The following NHSL2 variants were observed in gnomAD, a reference collection of about 807,000 sequenced individuals.
NHSL2 encodes NHS like 2.
NHSL2 carries 27 observed loss-of-function variants against 53.4 expected under a neutral mutation model. The ratio of observed to expected loss-of-function variants is 0.51; its 90% CI spans 0.37 to 0.70. NHSL2 has a LOEUF of 0.70. Ranked by LOEUF, NHSL2 falls within the 30% of genes least tolerant of loss-of-function variation. The pLI is 0.00. For synonymous variants in NHSL2, 408 were observed against 404.1 expected (o/e 1.01, Z -0.12); for missense variants, 892 against 980.1 (o/e 0.91, Z 1.20).
chrX:71,953,489 G>A (rs1366954788), intron 1 of NHSL2, among the ~76,000 whole-genome samples: 2 of 112,172 alleles, frequency 1.8e-5, no homozygotes, highest in East Asian at 5.5e-4. Context: ...CTAAATAATA[G>A]TTAAGGGGGT....
At position 72,142,235 on chromosome X, in the gene NHSL2, G is replaced by A; in HGVS notation, c.3227G>A (p.Ser1076Asn). ...CCTTTTGGTTTTTTATGTCTAGGGA[G>A]TTCTGTGGAACCAGGCACCGAAGAA... ...DSEREASPLG[S>N]SVEPGTEEKS... The change falls in exon 7 of 8, where the codon AGT becomes AAT. Residue 1076 changes from serine to asparagine, a missense_variant. Coordinates refer to ENST00000633930, the MANE Select transcript of NHSL2 (RefSeq NM_001013627.3). 8.6e-7 allele frequency: 1 copy of A among 1,163,390 alleles called. No individual in the cohort carries two copies. The highest frequency in any genetic ancestry group is 1.1e-6 in the Non-Finnish European group (1 of 869,706).
intron 1 of NHSL2, among the ~76,000 whole-genome samples, chrX:72,017,129 G>A (rs5951248): frequency 0.011 from 1,197 of 111,957 alleles, 13 homozygotes; most frequent in Non-Finnish European, 0.017. Flanking sequence ...CATTCATCAT[G>A]CCCCTCTATA....
chrX:72,068,636 GCGTAAGTGTGTC>G (rs1424047508), intron 1 of NHSL2, among the ~76,000 whole-genome samples: 2 of 101,672 alleles, frequency 2.0e-5, no homozygotes, highest in African/African-American at 7.0e-5. Flanking sequence ...GTGAGCGGCT[GCGTAAGTGTGTC>G]CGTGTGTGTG....
intron 1 of NHSL2, among the ~76,000 whole-genome samples, chrX:71,958,954 A>G (rs1159904069): frequency 8.9e-6 from 1 of 112,133 alleles, no homozygotes; most frequent in Non-Finnish European, 1.9e-5. Flanking sequence ...ACTGCAAGTG[A>G]CCTCAGCTGT....
intron 1 of NHSL2, among the ~76,000 whole-genome samples, chrX:72,017,660 G>T (rs1444374389): frequency 8.9e-6 from 1 of 112,317 alleles, no homozygotes; most frequent in Non-Finnish European, 1.9e-5. Flanking sequence ...CCAGATATCT[G>T]CGTTCTCCCC....
intron 5 of NHSL2, 104 bp downstream of exon 5, chrX:72,137,329 TGGA>T: frequency 1.2e-6 from 1 of 818,926 alleles, no homozygotes; most frequent in Non-Finnish European, 1.7e-6. Flanking sequence ...AATAATTGGG[TGGA>T]GGAGGGGGCC....
intron 1 of NHSL2, among the ~76,000 whole-genome samples, chrX:71,959,448 A>T (rs1333962080): frequency 8.9e-6 from 1 of 112,876 alleles, no homozygotes; most frequent in South Asian, 3.6e-4. Flanking sequence ...ACAGCTTTTT[A>T]AAAAAGATGT....
intron 1 of NHSL2, among the ~76,000 whole-genome samples, chrX:72,093,970 C>G (rs974295514): frequency 9.1e-6 from 1 of 109,899 alleles, no homozygotes; most frequent in East Asian, 2.8e-4. Flanking sequence ...TTAGTAGAGA[C>G]GGGGTTTCAC....
Position 72,151,854 on chromosome X carries a change from A to T in NHSL2, c.*8280A>T, listed in dbSNP as rs920890708. The T allele has an allele frequency of 1.8e-5, 2 of 112,289 alleles. No homozygotes were observed. The highest frequency in any genetic ancestry group is 6.5e-5 in the African/African-American group (2 of 30,861). 9.3% of individuals were successfully genotyped at this position (112,289 alleles called of 1,213,427 possible). ...CCATAGGATTCCAGTTCAGCCTACG[A>T]TTTCCTAGGGAAATCACCAGGTTCC... On this transcript the variant is annotated 3_prime_UTR_variant, in exon 8 of 8. Transcript: ENST00000633930.
chrX:72,037,144 G>A (rs2042245048), intron 1 of NHSL2, among the ~76,000 whole-genome samples: 1 of 112,253 alleles, frequency 8.9e-6, no homozygotes, highest in African/African-American at 3.2e-5. Flanking sequence ...GATCGGCTGG[G>A]CACAGTGGCT....
chrX:72,126,104 T>C (rs2147499911), intron 1 of NHSL2, among the ~76,000 whole-genome samples: 1 of 112,097 alleles, frequency 8.9e-6, no homozygotes, highest in South Asian at 3.7e-4. Context: ...GGAGATGAAA[T>C]GATGTTGGCG....
At chrX:72,064,642 C>T (rs1479637948) in intron 1 of NHSL2, among the ~76,000 whole-genome samples, 1 of 111,883 alleles carries the variant, frequency 8.9e-6, no homozygotes, top group Non-Finnish European at 1.9e-5. Flanking sequence ...CAGAGGGGTA[C>T]AGCCAGTGAG....
chrX:71,922,801 C>T (rs2041666453), intron 1 of NHSL2, among the ~76,000 whole-genome samples: 1 of 112,382 alleles, frequency 8.9e-6, no homozygotes. Context: ...TCCCAGGAAA[C>T]TTACCCATTA....
At chrX:72,101,077 G>A (rs1380140629) in intron 1 of NHSL2, among the ~76,000 whole-genome samples, 41 of 105,720 alleles carry the variant, frequency 3.9e-4, no homozygotes, top group Non-Finnish European at 7.2e-4. Flanking sequence ...GTGTGGCAAC[G>A]GGGCTCTGAG....
chrX:72,011,138 T>A (rs888676057), intron 1 of NHSL2, among the ~76,000 whole-genome samples: 2 of 112,073 alleles, frequency 1.8e-5, no homozygotes, highest in Non-Finnish European at 3.8e-5. Context: ...AATAATCTGC[T>A]CCTTTTTATT....
chrX:72,142,400 C>T (rs1250413816), intron 7 of NHSL2, 36 bp downstream of exon 7: 41 of 1,037,920 alleles, frequency 4.0e-5, no homozygotes, highest in Non-Finnish European at 5.1e-5. Context: ...ATTGCAATTG[C>T]CTTCCCTTTT....
intron 1 of NHSL2, among the ~76,000 whole-genome samples, chrX:72,004,211 G>T (rs1455958723): frequency 8.9e-6 from 1 of 112,274 alleles, no homozygotes; most frequent in Admixed American, 9.4e-5. Context: ...GAAGACATGG[G>T]TGTGACTGTG....
At chrX:71,945,930 C>G (rs2041790531) in intron 1 of NHSL2, among the ~76,000 whole-genome samples, 1 of 112,008 alleles carries the variant, frequency 8.9e-6, no homozygotes, top group African/African-American at 3.3e-5. Context: ...GGGGACTTAG[C>G]CAGAGTAACT....
chrX:72,110,079 G>A (rs1374245286), intron 1 of NHSL2, among the ~76,000 whole-genome samples: 3 of 111,414 alleles, frequency 2.7e-5, no homozygotes, highest in Admixed American at 9.5e-5. Context: ...GGGGTGAAGT[G>A]CTTTTCTCTG....
Sources: gnomAD v4.1 joint callset for allele counts (sites outside exome capture counted in the v4.1 genomes callset) on GRCh38, gnomAD v4.1.1 for gene constraint, MANE v1.5 for transcripts, NCBI Gene and HGNC (gene_info 2026-07-23, HGNC 2026-07-21) for gene names.